Variants in PALLD observed in about 807,000 individuals in gnomAD.
PALLD encodes palladin, cytoskeletal associated protein.
Under a neutral mutation model 123.5 loss-of-function variants are expected in PALLD, and 61 were observed. The ratio of observed to expected loss-of-function variants is 0.49; its 90% CI spans 0.40 to 0.61. The LOEUF is 0.61. Among genes scored for constraint, PALLD ranks in the 20% least tolerant of loss-of-function variants. The pLI is 0.00. For synonymous variants in PALLD, 465 were observed against 496.4 expected (o/e 0.94, Z 0.84); for missense variants, 1,273 against 1,377.0 (o/e 0.92, Z 1.20).
intron 10 of PALLD, among the ~76,000 whole-genome samples, chr4:168,859,071 G>A (rs574519759): frequency 7.9e-5 from 12 of 152,262 alleles, no homozygotes; most frequent in South Asian, 6.2e-4. Flanking sequence ...AAACCTCAGC[G>A]TTATAATTGG....
chr4:168,618,850 C>T (rs923359213), intron 2 of PALLD, among the ~76,000 whole-genome samples: 2 of 152,202 alleles, frequency 1.3e-5, no homozygotes, highest in South Asian at 2.1e-4. Context: ...TCCTCACTGG[C>T]GTCACCGATT....
intron 2 of PALLD, among the ~76,000 whole-genome samples, chr4:168,650,160 G>A (rs1561348968): frequency 1.3e-5 from 2 of 152,082 alleles, no homozygotes; most frequent in Admixed American, 1.3e-4. Context: ...GGCGACGAGA[G>A]TGAGACTCCA....
chr4:168,757,349 T>C (rs1404185040), intron 10 of PALLD, among the ~76,000 whole-genome samples: 1 of 152,196 alleles, frequency 6.6e-6, no homozygotes, highest in Non-Finnish European at 1.5e-5. Context: ...AAAGGCTAAA[T>C]TGTGAAAAAG....
At chr4:168,544,335 G>T (rs1395322712) in intron 2 of PALLD, among the ~76,000 whole-genome samples, 1 of 152,226 alleles carries the variant, frequency 6.6e-6, no homozygotes, top group African/African-American at 2.4e-5. Flanking sequence ...AGGCCCTGTG[G>T]ATATCAAAAT....
chr4:168,893,475 T>G (rs1754481050), intron 11 of PALLD, among the ~76,000 whole-genome samples: 1 of 152,218 alleles, frequency 6.6e-6, no homozygotes, highest in Non-Finnish European at 1.5e-5. Context: ...TACTGGAAAT[T>G]GTAAATTTAC....
At chr4:168,544,995 G>A (rs571978237) in intron 2 of PALLD, among the ~76,000 whole-genome samples, 9 of 152,278 alleles carry the variant, frequency 5.9e-5, no homozygotes, top group East Asian at 1.9e-4. Context: ...ACAGATGCAG[G>A]TCTGATTTCT....
intron 2 of PALLD, among the ~76,000 whole-genome samples, chr4:168,587,025 G>A (rs59753216): frequency 0.11 from 16,432 of 152,118 alleles, 986 homozygotes; most frequent in African/African-American, 0.15. Flanking sequence ...GAGACATTTC[G>A]GTTGTCACCA....
intron 2 of PALLD, among the ~76,000 whole-genome samples, chr4:168,595,409 G>C (rs1348938626): frequency 6.6e-6 from 1 of 152,038 alleles, no homozygotes; most frequent in South Asian, 2.1e-4. Context: ...GGTATGGTGG[G>C]GCCCAGGGGT....
At chr4:168,574,007 C>T (rs373719322) in intron 2 of PALLD, among the ~76,000 whole-genome samples, 3 of 151,730 alleles carry the variant, frequency 2.0e-5, no homozygotes, top group Middle Eastern at 3.2e-3. Context: ...ATCTGTGCCA[C>T]GTCTTGCTTT....
In PALLD at chr4:168,894,609, C is replaced by T. The variant is rs1192115086; in HGVS notation, c.2131C>T (p.Arg711Ter). 1.9e-6 allele frequency: 3 copies of T among 1,613,234 alleles called. No homozygotes were observed. Among genetic ancestry groups the T allele is most frequent in the Non-Finnish European group, 2.5e-6 (3 of 1,179,482 alleles). Residue 711 changes from arginine to a stop codon, truncating the protein, a stop_gained, in exon 12 of 22, where the codon CGA (arginine) becomes TGA (stop). Coordinates refer to ENST00000505667, the MANE Select transcript of PALLD (RefSeq NM_001166108.2). LOFTEE classifies it high-confidence loss of function. ...AACATACGAAGAAAGAATGGCTCGTCGACTGCTAGGTGCTGACAGTGCAAC... is the reference window on the plus strand; with the variant it reads ...AACATACGAAGAAAGAATGGCTCGTTGACTGCTAGGTGCTGACAGTGCAAC... ...RLTYEERMAR[R>*]LLGADSATVF...
intron 10 of PALLD, among the ~76,000 whole-genome samples, chr4:168,834,565 G>C (rs6855915): frequency 0.32 from 49,126 of 151,840 alleles, 8,135 homozygotes; most frequent in South Asian, 0.47. Flanking sequence ...GGTGAAACCC[G>C]GTCTCTACTA....
rs965210237 is a variant in PALLD at position 168,571,687 on chromosome 4, T to G, written c.908+59275T>G. ...TTTTAGCATTCTTTAGAAATCTGGT[T>G]TTATCGGCAGAATGCAAGATTCTTG... On this transcript the variant is annotated intron_variant, in intron 2 of 21. Coordinates refer to ENST00000505667, the MANE Select transcript of PALLD (RefSeq NM_001166108.2). 3.3e-5 allele frequency among the ~76,000 whole-genome samples: 5 copies of G among 152,290 alleles called. No individual in the cohort carries two copies. The East Asian group carries it at 5.8e-4, about 18-fold the overall frequency.
chr4:168,832,405 T>C (rs67711722), intron 10 of PALLD, among the ~76,000 whole-genome samples: 19,560 of 151,646 alleles, frequency 0.13, 1,331 homozygotes, highest in Non-Finnish European at 0.14. Context: ...GATAGGAATG[T>C]CTGCATCATC....
At chr4:168,877,707 C>A in intron 10 of PALLD, 5 of 1,120,368 alleles carry the variant, frequency 4.5e-6, no homozygotes, top group Non-Finnish European at 5.5e-6. Context: ...GGTGTCACTT[C>A]TCTTTTTCCC....
At chr4:168,527,241 G>A (rs964541302) in intron 2 of PALLD, among the ~76,000 whole-genome samples, 4 of 151,934 alleles carry the variant, frequency 2.6e-5, no homozygotes, top group African/African-American at 9.7e-5. Context: ...TGACCAACAC[G>A]GAGAAACCCT....
intron 15 of PALLD, among the ~76,000 whole-genome samples, chr4:168,906,154 G>T (rs1053702763): frequency 1.3e-4 from 20 of 152,088 alleles, no homozygotes; most frequent in African/African-American, 4.8e-4. Context: ...CCCTAGAAAG[G>T]CTGGGGTATA....
chr4:168,600,749 A>G (rs958358566), intron 2 of PALLD, among the ~76,000 whole-genome samples: 28 of 152,210 alleles, frequency 1.8e-4, no homozygotes, highest in Admixed American at 3.9e-4. Context: ...GGGCAGCATC[A>G]TGATTAAAGA....
intron 2 of PALLD, among the ~76,000 whole-genome samples, chr4:168,644,063 A>T (rs1777204389): frequency 6.6e-6 from 1 of 151,024 alleles, no homozygotes; most frequent in African/African-American, 2.4e-5. Flanking sequence ...GCTTCCAGTG[A>T]TGAAGAGGAA....
At chr4:168,731,803 G>T (rs1385881916) in intron 10 of PALLD, among the ~76,000 whole-genome samples, 1 of 152,216 alleles carries the variant, frequency 6.6e-6, no homozygotes, top group Non-Finnish European at 1.5e-5. Context: ...CCTGGAAATT[G>T]CATATATGAA....
Sources: allele counts gnomAD v4.1 joint callset (sites outside exome capture counted in the v4.1 genomes callset), GRCh38; gene constraint gnomAD v4.1.1; transcripts MANE v1.5; gene names NCBI Gene and HGNC (gene_info 2026-07-23, HGNC 2026-07-21).